Variants in PSMD1 observed in about 807,000 individuals in gnomAD.
PSMD1 encodes 26S proteasome non-ATPase regulatory subunit 1.
A neutral mutation model predicts 119.0 loss-of-function variants in PSMD1; 18 were observed. That is an observed-to-expected ratio of 0.15 (90% CI 0.10 to 0.22). PSMD1 has a LOEUF of 0.22. Ranked by LOEUF, PSMD1 falls within the 10% of genes least tolerant of loss-of-function variation. The pLI, the probability that PSMD1 is intolerant of heterozygous loss-of-function variation, is 1.00. For missense variants in PSMD1, 702 were observed against 1,158.5 expected (o/e 0.61, Z 5.72); for synonymous variants, 374 against 396.6 (o/e 0.94, Z 0.68).
chr2:231,141,228 G>A (rs1199954281), intron 17 of PSMD1, among the ~76,000 whole-genome samples: 3 of 151,824 alleles, frequency 2.0e-5, no homozygotes, highest in African/African-American at 4.8e-5. Flanking sequence ...TTGAACCCAG[G>A]AGGCAGAGGT....
chr2:231,106,280 ATAG>A (rs1301798766), intron 16 of PSMD1, among the ~76,000 whole-genome samples: 4 of 152,180 alleles, frequency 2.6e-5, no homozygotes, highest in Non-Finnish European at 5.9e-5. Context: ...TATTCTGGAA[ATAG>A]TAGAAAGGTC....
At chr2:231,152,889 A>G (rs1696402480) in intron 18 of PSMD1, among the ~76,000 whole-genome samples, 1 of 152,234 alleles carries the variant, frequency 6.6e-6, no homozygotes, top group Admixed American at 6.5e-5. Context: ...TTATTCATAC[A>G]GAATATATTT....
intron 16 of PSMD1, among the ~76,000 whole-genome samples, chr2:231,100,230 T>C (rs188132044): frequency 6.6e-6 from 1 of 152,308 alleles, no homozygotes; most frequent in Admixed American, 6.5e-5. Context: ...TTTTTAATTC[T>C]CAGCAAGGCA....
chr2:231,100,372 G>C (rs1038352156), intron 16 of PSMD1, among the ~76,000 whole-genome samples: 11 of 152,190 alleles, frequency 7.2e-5, no homozygotes, highest in African/African-American at 2.4e-4. Flanking sequence ...CTGTTGGCAA[G>C]GGTTAGACGC....
chr2:231,084,233 T>A (rs1224845441), intron 14 of PSMD1, among the ~76,000 whole-genome samples: 1 of 152,048 alleles, frequency 6.6e-6, no homozygotes, highest in Non-Finnish European at 1.5e-5. Flanking sequence ...ACACCTGTAA[T>A]CCCAGCTACT....
At chr2:231,138,939 C>G (rs1218486710) in intron 17 of PSMD1, 89 bp downstream of exon 17, 1 of 938,602 alleles carries the variant, frequency 1.1e-6, no homozygotes, top group Admixed American at 2.0e-5. Context: ...TGTAAAAATA[C>G]AAGTGCAATG....
At chr2:231,123,912 A>C in intron 16 of PSMD1, 1 of 697,362 alleles carries the variant, frequency 1.4e-6, no homozygotes, top group South Asian at 1.5e-5. Flanking sequence ...AAAAAATTCA[A>C]GTTCTCTAAA....
chr2:231,171,490 A>G (rs1310937730), intron 24 of PSMD1, among the ~76,000 whole-genome samples: 1 of 151,194 alleles, frequency 6.6e-6, no homozygotes, highest in East Asian at 1.9e-4. Flanking sequence ...ATTTGAAGAC[A>G]TTGTGAGACA....
chr2:231,059,733 G>A (rs1693709129), intron 1 of PSMD1, among the ~76,000 whole-genome samples: 1 of 152,188 alleles, frequency 6.6e-6, no homozygotes, highest in East Asian at 1.9e-4. Context: ...TCTGTCAATT[G>A]ATTCAACAGT....
At chr2:231,144,277 G>T (rs1424534539) in intron 17 of PSMD1, among the ~76,000 whole-genome samples, 2 of 149,778 alleles carry the variant, frequency 1.3e-5, no homozygotes, top group Non-Finnish European at 3.0e-5. Flanking sequence ...TGGAGACAGA[G>T]TTTCACTCTT....
At position 231,129,407 on chromosome 2, in the gene PSMD1, T is replaced by A. The variant is rs149451993; in HGVS notation, c.1884-9329T>A. Among the ~76,000 whole-genome samples the A allele has an allele frequency of 2.8e-4, 43 of 152,344 alleles. 1 individual carries two copies. Among genetic ancestry groups the A allele is most frequent in the African/African-American group, 9.1e-4 (38 of 41,578 alleles). On this transcript the variant is annotated intron_variant, in intron 16 of 24. Transcript: ENST00000308696. Reference sequence around the variant, plus strand: ...TATTTATTATGGTGACACAGCAATTTCTTTGTATAAGGCTTGTGACTCTTC... The same window carrying A: ...TATTTATTATGGTGACACAGCAATTACTTTGTATAAGGCTTGTGACTCTTC...
chr2:231,129,328 A>G (rs563918978), intron 16 of PSMD1, among the ~76,000 whole-genome samples: 1 of 152,326 alleles, frequency 6.6e-6, no homozygotes, highest in East Asian at 1.9e-4. Context: ...TGCAACTTTG[A>G]ATATTACAGA....
At chr2:231,057,868 G>C (rs1202068824) in intron 1 of PSMD1, among the ~76,000 whole-genome samples, 9 of 152,170 alleles carry the variant, frequency 5.9e-5, no homozygotes, top group Admixed American at 2.6e-4. Flanking sequence ...CCAGAGCCTT[G>C]GTGCTTTTTT....
chr2:231,065,910 G>A (rs1693899592), intron 4 of PSMD1, among the ~76,000 whole-genome samples: 1 of 152,188 alleles, frequency 6.6e-6, no homozygotes, highest in Non-Finnish European at 1.5e-5. Flanking sequence ...ATCACATAAT[G>A]ACAGACTGCA....
Position 231,138,802 on chromosome 2 carries a change from C to T in PSMD1, c.1950C>T (p.Tyr650=), listed in dbSNP as rs1159016013. 13 of 1,613,978 alleles carry T rather than the reference C, an allele frequency of 8.1e-6. No individual in the cohort carries two copies. Among genetic ancestry groups the T allele is most frequent in the South Asian group, 2.2e-5 (2 of 91,088 alleles). ...LSESYNPHVR[Y]GAAMALGICC... ...AGAGTTACAACCCTCATGTGCGCTA[C>T]GGAGCTGCAATGGCCTTGGGGATAT... The change falls in exon 17 of 25, where the codon TAC becomes TAT. Residue 650 remains tyrosine, a synonymous_variant. Transcript: ENST00000308696.
At chr2:231,066,867 C>T in intron 4 of PSMD1, 39 bp from the exon 5 acceptor site, 1 of 1,495,622 alleles carries the variant, frequency 6.7e-7, no homozygotes. Context: ...TAGTTTAGCC[C>T]AATTTACAAG....
intron 1 of PSMD1, among the ~76,000 whole-genome samples, chr2:231,057,402 G>A (rs995600370): frequency 1.3e-5 from 2 of 152,196 alleles, no homozygotes; most frequent in Admixed American, 1.3e-4. Context: ...GCCCGCAGGG[G>A]GCCGGGGTGG....
intron 17 of PSMD1, among the ~76,000 whole-genome samples, chr2:231,140,537 A>G (rs928277170): frequency 6.6e-6 from 1 of 151,704 alleles, no homozygotes; most frequent in African/African-American, 2.4e-5. Context: ...TTGTGTACAA[A>G]TAAGTTTTTC....
rs759074814 is a variant in PSMD1, at chr2:231,153,673, G to A, written c.2218+7G>A. The A allele has an allele frequency of 4.5e-6, 7 of 1,556,808 alleles. No individual in the cohort carries two copies. Among genetic ancestry groups the A allele is most frequent in the African/African-American group, 1.4e-5 (1 of 73,000 alleles). ...CAGGGCATACTGGATGCAGGTAAAT[G>A]TTTTTAAGTCTTCAAGATTTATTTA... On this transcript the variant is annotated splice_region_variant and intron_variant, in intron 19 of 24. Coordinates refer to ENST00000308696, the MANE Select transcript of PSMD1 (RefSeq NM_002807.4).
Sources: gnomAD v4.1 joint callset for allele counts (sites outside exome capture counted in the v4.1 genomes callset) on GRCh38, gnomAD v4.1.1 for gene constraint, MANE v1.5 for transcripts, NCBI Gene and HGNC (gene_info 2026-07-23, HGNC 2026-07-21) for gene names.